MRE11: variants seen among roughly 807,000 people sequenced by gnomAD.
The protein encoded by MRE11 is MRE11 double strand break repair nuclease.
A neutral mutation model predicts 91.7 loss-of-function variants in MRE11; 62 were observed. The observed-to-expected ratio is 0.68, with a 90% confidence interval of 0.55 to 0.84. The LOEUF (loss-of-function observed/expected upper bound fraction) is 0.84. Ranked by LOEUF, MRE11 falls within the 40% of genes least tolerant of loss-of-function variation. The pLI, the probability that MRE11 is intolerant of heterozygous loss-of-function variation, is 0.00. For synonymous variants in MRE11, 273 were observed against 271.4 expected, an observed-to-expected ratio of 1.01 and a Z score of -0.06; for missense variants, 796 against 852.9, an observed-to-expected ratio of 0.93 and a Z score of 0.83.
chr11:94,495,519 G>T (rs1241688531), upstream of MRE11, among the ~76,000 whole-genome samples: 4 of 152,304 alleles, frequency 2.6e-5, no homozygotes, highest in South Asian at 8.3e-4. Context: ...GATAACATCA[G>T]AGAAGAGCCT....
intron 17 of MRE11, among the ~76,000 whole-genome samples, chr11:94,436,784 C>A (rs1470858843): frequency 6.6e-6 from 1 of 152,188 alleles, no homozygotes; most frequent in East Asian, 1.9e-4. Flanking sequence ...CATCTTAAGT[C>A]TAGCAACAGC....
At chr11:94,465,893 A>G (rs181163610) in intron 10 of MRE11, among the ~76,000 whole-genome samples, 62 of 152,346 alleles carry the variant, frequency 4.1e-4, no homozygotes, top group African/African-American at 1.5e-3. Context: ...GCTGTCAAGA[A>G]ATTCACAAAC....
In MRE11 at chr11:94,416,802, G is replaced by A. The variant is rs1945039149; in HGVS notation, c.*3323C>T. On this transcript the variant is annotated 3_prime_UTR_variant, in exon 20 of 20. Transcript: ENST00000323929. ...GGAGCTTGCAGTGAGCCGAAATGGT[G>A]CCCCTGCCCTCCAGCCTGGGCAAGA... 1 of 149,168 alleles carries A rather than the reference G, an allele frequency of 6.7e-6. No homozygotes were observed. The highest frequency in any genetic ancestry group is 1.5e-5 in the Non-Finnish European group (1 of 67,598). 9.2% of individuals were successfully genotyped at this position (149,168 alleles called of 1,614,324 possible).
At chr11:94,478,203 G>T (rs1390323132) in intron 6 of MRE11, among the ~76,000 whole-genome samples, 1 of 152,006 alleles carries the variant, frequency 6.6e-6, no homozygotes, top group African/African-American at 2.4e-5. Flanking sequence ...GAGGAGGAAA[G>T]GCAATTTTCT....
rs1554996392 is a variant in MRE11 at position 94,419,465 on chromosome 11, G to GGAGGGA, written c.*659_*660insTCCCTC. ...GAAGAGTGGGGAACGGGGGGGAGAG[G>GGAGGGA]GAGAGAGAGAGAGAGAGAGAGAGAG... On this transcript the variant is annotated 3_prime_UTR_variant, in exon 20 of 20. Transcript: ENST00000323929. 20 of 216,430 alleles carry GGAGGGA rather than the reference G, an allele frequency of 9.2e-5. No individual in the cohort carries two copies. Among genetic ancestry groups the GGAGGGA allele is most frequent in the African/African-American group, 2.7e-4 (11 of 40,708 alleles). 13.4% of individuals were successfully genotyped at this position (216,430 alleles called of 1,614,324 possible). A position where few individuals can be genotyped will look rare whatever the true frequency, so the allele number is the denominator to read the frequency against.
At chr11:94,441,129 C>G (rs1460380614) in intron 16 of MRE11, among the ~76,000 whole-genome samples, 2 of 152,154 alleles carry the variant, frequency 1.3e-5, no homozygotes, top group Non-Finnish European at 2.9e-5. Context: ...TGATAGGTCC[C>G]CTTTAAAAGA....
At chr11:94,462,295 C>T (rs904794117) in intron 11 of MRE11, among the ~76,000 whole-genome samples, 1 of 152,028 alleles carries the variant, frequency 6.6e-6, no homozygotes, top group Admixed American at 6.6e-5. Context: ...AAACAAATGG[C>T]AGAACGTTCC....
intron 4 of MRE11, among the ~76,000 whole-genome samples, chr11:94,481,862 C>G (rs558063972): frequency 2.0e-5 from 3 of 152,266 alleles, no homozygotes; most frequent in African/African-American, 7.2e-5. Flanking sequence ...ATTTCCCTAT[C>G]TTTGCCTATT....
chr11:94,419,983 T>C lies in MRE11; in HGVS notation c.*142A>G, dbSNP rs1945126635. On this transcript the variant is annotated 3_prime_UTR_variant, in exon 20 of 20. Transcript: ENST00000323929. ...AAAAAAACAAGGTGAATCAATGCTATTGTATGTCTGTGAACTAGAAATTTC... is the reference window on the plus strand; with the variant it reads ...AAAAAAACAAGGTGAATCAATGCTACTGTATGTCTGTGAACTAGAAATTTC... 5 of 624,142 alleles carry C rather than the reference T, an allele frequency of 8.0e-6. No individual in the cohort carries two copies. In the South Asian group the frequency reaches 1.0e-4, roughly 13 times the overall value. The allele number at this position is 624,142 out of a possible 1,614,324, so 38.7% of individuals were successfully genotyped here.
At chr11:94,428,146 A>G (rs1945373375) in intron 19 of MRE11, among the ~76,000 whole-genome samples, 2 of 152,244 alleles carry the variant, frequency 1.3e-5, no homozygotes, top group South Asian at 2.1e-4. Context: ...GAACTATATT[A>G]TAAGGCTACA....
At chr11:94,500,929 T>C in the MRE11 span, among the ~76,000 whole-genome samples, 1 of 152,190 alleles carries the variant, frequency 6.6e-6, no homozygotes, top group Admixed American at 6.5e-5. Flanking sequence ...GATCAACTCT[T>C]GATTCCTGAT....
At chr11:94,429,829 A>G in intron 19 of MRE11, 82 bp downstream of exon 19, 1 of 1,202,176 alleles carries the variant, frequency 8.3e-7, no homozygotes, top group Non-Finnish European at 1.2e-6. Flanking sequence ...AAGAAAAAAA[A>G]GTTCAGCAAC....
At chr11:94,442,546 A>C (rs575914400) in intron 16 of MRE11, among the ~76,000 whole-genome samples, 4 of 152,286 alleles carry the variant, frequency 2.6e-5, no homozygotes, top group Admixed American at 6.5e-5. Context: ...AAAGGTGGGT[A>C]ATCTACATCT....
chr11:94,479,943 A>C (rs1489051156), intron 4 of MRE11, among the ~76,000 whole-genome samples, 182 bp from the exon 5 acceptor site: 1 of 152,216 alleles, frequency 6.6e-6, no homozygotes, highest in Admixed American at 6.5e-5. Context: ...TTAGTTTGAA[A>C]ATATCTCAAA....
the MRE11 span, among the ~76,000 whole-genome samples, chr11:94,507,353 T>C: frequency 6.6e-6 from 1 of 152,260 alleles, no homozygotes; most frequent in South Asian, 2.1e-4. Flanking sequence ...TAATAATTTA[T>C]ATATACATGA....
At position 94,437,106 on chromosome 11, in the gene MRE11, CA is replaced by C. The variant is rs1438046156; in HGVS notation, c.1926+70del. On this transcript the variant is annotated intron_variant, in intron 17 of 19. Coordinates refer to ENST00000323929, the MANE Select transcript of MRE11 (RefSeq NM_005591.4). ...TTCTTCTTTTATTTACTTTGTAAAT[CA>C]GAGAGTTGACAATTCATAATGCAGA... The C allele has an allele frequency of 4.6e-6, 6 of 1,314,368 alleles. No homozygotes were observed. In the East Asian group the frequency reaches 1.4e-4, roughly 31 times the overall value. The allele number at this position is 1,314,368 out of a possible 1,614,324, so 81.4% of individuals were successfully genotyped here. A position where few individuals can be genotyped will look rare whatever the true frequency, so the allele number is the denominator to read the frequency against.
At chr11:94,437,497 T>A (rs1945652864) in intron 16 of MRE11, among the ~76,000 whole-genome samples, 1 of 152,206 alleles carries the variant, frequency 6.6e-6, no homozygotes, top group East Asian at 1.9e-4. Context: ...TAAAAATATT[T>A]CATAGAAAAA....
chr11:94,420,123 T>A lies in MRE11; in HGVS notation c.*2A>T. The A allele has an allele frequency of 2.6e-6, 4 of 1,557,972 alleles. No individual in the cohort carries two copies. The highest frequency in any genetic ancestry group is 3.5e-6 in the Non-Finnish European group (4 of 1,133,782). ...GCATGTTTCTCAGTGCCATTAAATATATTATCTTCTATTTCTTCTTAAAGA... is the reference window on the plus strand; with the variant it reads ...GCATGTTTCTCAGTGCCATTAAATAAATTATCTTCTATTTCTTCTTAAAGA... On this transcript the variant is annotated 3_prime_UTR_variant, in exon 20 of 20. Transcript: ENST00000323929.
Position 94,419,455 on chromosome 11 carries a change from G to GGGGGGA in MRE11, c.*664_*669dup, listed in dbSNP as rs1945107999. The GGGGGGA allele has an allele frequency of 5.1e-6, 1 of 197,802 alleles. No homozygotes were observed. The highest frequency in any genetic ancestry group is 9.8e-6 in the Non-Finnish European group (1 of 101,758). 12.3% of individuals were successfully genotyped at this position (197,802 alleles called of 1,614,324 possible). ...AAGGAGAAAGGAAGAGTGGGGAACG[G>GGGGGGA]GGGGGAGAGGGAGAGAGAGAGAGAG... On this transcript the variant is annotated 3_prime_UTR_variant, in exon 20 of 20. Coordinates refer to ENST00000323929, the MANE Select transcript of MRE11 (RefSeq NM_005591.4).
Sources: allele counts gnomAD v4.1 joint callset (sites outside exome capture counted in the v4.1 genomes callset), GRCh38; gene constraint gnomAD v4.1.1; transcripts MANE v1.5; gene names NCBI Gene and HGNC (gene_info 2026-07-23, HGNC 2026-07-21).